SGCZ: variants seen among roughly 807,000 people sequenced by gnomAD.
SGCZ encodes the protein zeta-sarcoglycan.
Under a neutral mutation model 41.3 loss-of-function variants are expected in SGCZ, and 40 were observed. That is an observed-to-expected ratio of 0.97 (90% CI 0.75 to 1.26). The LOEUF (loss-of-function observed/expected upper bound fraction) is 1.26, where lower values mean the gene tolerates loss of function less well. Among genes scored for constraint, SGCZ ranks in the 50% most tolerant of loss-of-function variants. The probability of loss-of-function intolerance (pLI) is 0.00; values close to 1 mark genes in which losing one functional copy is unlikely to be tolerated. For synonymous variants in SGCZ, 206 were observed against 137.5 expected (o/e 1.50, Z -3.49); for missense variants, 552 against 369.8 (o/e 1.49, Z -4.04).
At position 14,595,578 on chromosome 8, in the gene SGCZ, G is replaced by A. The variant is rs1244674092; in HGVS notation, c.40-40652C>T. 2.0e-5 allele frequency among the ~76,000 whole-genome samples: 3 copies of A among 152,256 alleles called. No homozygotes were observed. The East Asian group carries it at 5.8e-4, about 29-fold the overall frequency. Reference sequence around the variant, plus strand: ...GTCAGATTCCTCAGAACTCCTACTAGCAGCTGGCTAACCTTGAACTAATTC... The same window carrying A: ...GTCAGATTCCTCAGAACTCCTACTAACAGCTGGCTAACCTTGAACTAATTC... On this transcript the variant is annotated intron_variant, in intron 1 of 7. Coordinates refer to ENST00000382080, the MANE Select transcript of SGCZ (RefSeq NM_139167.4).
intron 2 of SGCZ, among the ~76,000 whole-genome samples, chr8:14,343,799 T>G (rs919053707): frequency 6.6e-6 from 1 of 151,986 alleles, no homozygotes; most frequent in African/African-American, 2.4e-5. Flanking sequence ...AAAGATAACA[T>G]TATAGAGAGT....
chr8:14,777,259 AC>A (rs1272789301), intron 1 of SGCZ, among the ~76,000 whole-genome samples: 4 of 152,120 alleles, frequency 2.6e-5, no homozygotes, highest in African/African-American at 9.7e-5. Flanking sequence ...AAGAAATATG[AC>A]CTATATTATT....
rs188628538 is a variant in SGCZ, at chr8:15,235,222, C to T, written c.39+2363G>A. Among the ~76,000 whole-genome samples the T allele has an allele frequency of 3.7e-4, 56 of 152,296 alleles. No individual in the cohort carries two copies. In the East Asian group the frequency reaches 6.9e-3, roughly 19 times the overall value. On this transcript the variant is annotated intron_variant, in intron 1 of 7. Coordinates refer to ENST00000382080, the MANE Select transcript of SGCZ (RefSeq NM_139167.4). Reference sequence around the variant, plus strand: ...AGAAATCTAGACAAGTTATTCCACGCGCACTGCATCCATCTCTACAAACTG... The same window carrying T: ...AGAAATCTAGACAAGTTATTCCACGTGCACTGCATCCATCTCTACAAACTG...
chr8:14,567,316 C>T (rs905790834), intron 1 of SGCZ, among the ~76,000 whole-genome samples: 1 of 152,190 alleles, frequency 6.6e-6, no homozygotes, highest in Non-Finnish European at 1.5e-5. Context: ...CTAGTGGGGA[C>T]TTGGAGAATC....
rs1300609269 is a variant in SGCZ, at chr8:14,404,175, TA to T, written c.235-79972del. Among the ~76,000 whole-genome samples the T allele has an allele frequency of 1.9e-4, 29 of 152,318 alleles. No homozygotes were observed. In the East Asian group the frequency reaches 5.2e-3, roughly 27 times the overall value. On this transcript the variant is annotated intron_variant, in intron 2 of 7. Coordinates refer to ENST00000382080, the MANE Select transcript of SGCZ (RefSeq NM_139167.4). ...TTTACTCTCATAACAATCACATACT[TA>T]GACTAAGCTGTAATTGTATCTATAT...
At chr8:15,155,018 A>G (rs972107771) in intron 1 of SGCZ, among the ~76,000 whole-genome samples, 2 of 152,182 alleles carry the variant, frequency 1.3e-5, no homozygotes, top group African/African-American at 2.4e-5. Flanking sequence ...GCAGCCAAGC[A>G]TGGTAGCTCA....
chr8:14,880,368 G>T (rs1190478211), intron 1 of SGCZ, among the ~76,000 whole-genome samples: 1 of 152,144 alleles, frequency 6.6e-6, no homozygotes, highest in Non-Finnish European at 1.5e-5. Flanking sequence ...CTGTAAACTA[G>T]TTCAACCATT....
At chr8:14,374,930 T>C (rs1160259772) in intron 2 of SGCZ, among the ~76,000 whole-genome samples, 2 of 152,136 alleles carry the variant, frequency 1.3e-5, no homozygotes, top group Admixed American at 6.5e-5. Context: ...AAGTAGGAGA[T>C]GGAAATCAAT....
chr8:14,273,510 G>A (rs906738994), intron 3 of SGCZ, among the ~76,000 whole-genome samples: 1 of 151,968 alleles, frequency 6.6e-6, no homozygotes, highest in African/African-American at 2.4e-5. Flanking sequence ...ATCTTCTGAT[G>A]GATTTCCCAA....
intron 1 of SGCZ, among the ~76,000 whole-genome samples, chr8:14,779,968 C>G (rs190580765): frequency 5.9e-4 from 90 of 152,198 alleles, no homozygotes; most frequent in African/African-American, 2.0e-3. Flanking sequence ...GGGTTTCTCA[C>G]GGACATATCA....
chr8:14,914,454 T>G (rs559147554), intron 1 of SGCZ, among the ~76,000 whole-genome samples: 1 of 152,212 alleles, frequency 6.6e-6, no homozygotes, highest in Admixed American at 6.5e-5. Context: ...AGGAATTTTC[T>G]CTATCGCTGG....
At chr8:14,401,868 C>G (rs1401127615) in intron 2 of SGCZ, among the ~76,000 whole-genome samples, 2 of 150,680 alleles carry the variant, frequency 1.3e-5, no homozygotes, top group Non-Finnish European at 2.9e-5. Flanking sequence ...GCCACACTGA[C>G]TTCCACAATG....
rs1418096638 is a variant in SGCZ, at chr8:14,794,736, T to C, written c.40-239810A>G. Reference sequence around the variant, plus strand: ...AATAGGCTCACGAAAAGACATAGCATTGGGAATTTTCAGAACTTGGTTATA... The same window carrying C: ...AATAGGCTCACGAAAAGACATAGCACTGGGAATTTTCAGAACTTGGTTATA... On this transcript the variant is annotated intron_variant, in intron 1 of 7. Coordinates refer to ENST00000382080, the MANE Select transcript of SGCZ (RefSeq NM_139167.4). 2.6e-5 allele frequency among the ~76,000 whole-genome samples: 4 copies of C among 152,262 alleles called. No individual in the cohort carries two copies. The East Asian group carries it at 5.8e-4, about 22-fold the overall frequency.
intron 1 of SGCZ, among the ~76,000 whole-genome samples, chr8:14,944,525 C>G (rs1413136073): frequency 6.6e-6 from 1 of 152,100 alleles, no homozygotes; most frequent in Admixed American, 6.6e-5. Context: ...ATCACATTAA[C>G]TGATTGAGAA....
At chr8:15,107,119 ATTAC>A (rs1806858982) in intron 1 of SGCZ, among the ~76,000 whole-genome samples, 1 of 152,122 alleles carries the variant, frequency 6.6e-6, no homozygotes, top group African/African-American at 2.4e-5. Flanking sequence ...TAATATTTGT[ATTAC>A]TTTATAGGGA....
chr8:15,183,780 C>T (rs748695319), intron 1 of SGCZ, among the ~76,000 whole-genome samples: 1 of 152,134 alleles, frequency 6.6e-6, no homozygotes, highest in Non-Finnish European at 1.5e-5. Context: ...AGATAGCTAG[C>T]ATTACTGGGC....
intron 3 of SGCZ, among the ~76,000 whole-genome samples, chr8:14,261,686 T>C (rs1799673902): frequency 1.3e-5 from 2 of 152,150 alleles, no homozygotes; most frequent in African/African-American, 4.8e-5. Context: ...AACCAAGCAA[T>C]GTAAAGCTGA....
intron 1 of SGCZ, among the ~76,000 whole-genome samples, chr8:14,584,122 A>C (rs926469375): frequency 1.3e-5 from 2 of 152,152 alleles, no homozygotes; most frequent in African/African-American, 2.4e-5. Context: ...TGAGGCATGA[A>C]ATCACTGCTA....
At chr8:14,367,823 A>G (rs1301084414) in intron 2 of SGCZ, among the ~76,000 whole-genome samples, 7 of 152,066 alleles carry the variant, frequency 4.6e-5, no homozygotes, top group Admixed American at 4.6e-4. Flanking sequence ...CACACTAATC[A>G]TGTCATTCCC....
Sources: allele counts gnomAD v4.1 joint callset (sites outside exome capture counted in the v4.1 genomes callset), GRCh38; gene constraint gnomAD v4.1.1; transcripts MANE v1.5; gene names NCBI Gene and HGNC (gene_info 2026-07-23, HGNC 2026-07-21).